Variants in CHD3 observed in about 807,000 individuals in gnomAD.
CHD3 encodes the protein chromodomain helicase DNA binding protein 3.
CHD3 carries 52 observed loss-of-function variants against 248.9 expected under a neutral mutation model. The ratio of observed to expected loss-of-function variants is 0.21; its 90% CI spans 0.17 to 0.26. CHD3 has a LOEUF of 0.26. Ranked by LOEUF, CHD3 falls within the 10% of genes least tolerant of loss-of-function variation. The pLI, the probability that CHD3 is intolerant of heterozygous loss-of-function variation, is 1.00. For synonymous variants in CHD3, 985 were observed against 985.2 expected (o/e 1.00, Z 0.00); for missense variants, 1,482 against 2,605.8 (o/e 0.57, Z 9.39).
At chr17:7,887,035 A>G (rs1242840143), upstream of CHD3, among the ~76,000 whole-genome samples, 1 of 152,118 alleles carries the variant, frequency 6.6e-6, no homozygotes, top group Non-Finnish European at 1.5e-5. Context: ...TCAGCCCTCC[A>G]AGTCGAATGA....
Position 7,897,184 on chromosome 17 carries a change from G to A in CHD3, c.1809G>A (p.Lys603=). The A allele has an allele frequency of 6.2e-7, 1 of 1,614,224 alleles. No individual in the cohort carries two copies. The highest frequency in any genetic ancestry group is 8.5e-7 in the Non-Finnish European group (1 of 1,180,038). The change falls in exon 11 of 40, where the codon AAG becomes AAA. Residue 603 remains lysine (K), a synonymous_variant. Coordinates refer to ENST00000330494, the MANE Select transcript of CHD3 (RefSeq NM_001005273.3). This position sits in a 1 kb window ranked among gnomAD's most constrained non-coding sequence, Gnocchi z 4.8. ...ATGGCTCCGGCGAGGATGATGGGAAGAGCGACAAGCGTAAAGTGAAAGACC... is the reference window on the plus strand; with the variant it reads ...ATGGCTCCGGCGAGGATGATGGGAAAAGCGACAAGCGTAAAGTGAAAGACC... ...LDYGSGEDDG[K]SDKRKVKDPH...
rs765034008 is a variant in CHD3 at position 7,898,538 on chromosome 17, T to TAAG, written c.2107_2109dup (p.Lys703dup). ...AAGACCCTGCCCAGCCCCGCAAGTA[T>TAAG]AAGAAGAAGAAGAAGGAGCTACAGG... On this transcript the variant is annotated inframe_insertion, in exon 13 of 40. Coordinates refer to ENST00000330494, the MANE Select transcript of CHD3 (RefSeq NM_001005273.3). The TAAG allele has an allele frequency of 2.5e-6, 4 of 1,613,270 alleles. No homozygotes were observed. Among genetic ancestry groups the TAAG allele is most frequent in the Admixed American group, 1.7e-5 (1 of 59,976 alleles).
Position 7,899,809 on chromosome 17 carries a change from C to T in CHD3, c.2545-87C>T, listed in dbSNP as rs1298055732. ...ACAGAGTAATGGCTCCTGTTGGGAG[C>T]CACAGTCAGGACAAGGTGTCTGGTT... On this transcript the variant is annotated intron_variant, in intron 15 of 39. Coordinates refer to ENST00000330494, the MANE Select transcript of CHD3 (RefSeq NM_001005273.3). This position sits in a 1 kb window ranked among gnomAD's most constrained non-coding sequence, Gnocchi z 6.8. 5.3e-6 allele frequency: 8 copies of T among 1,513,580 alleles called. No individual in the cohort carries two copies. The Admixed American group carries it at 1.5e-4, about 27-fold the overall frequency. The allele number at this position is 1,513,580 out of a possible 1,614,324, so 93.8% of individuals were successfully genotyped here. A position where few individuals can be genotyped will look rare whatever the true frequency, so the allele number is the denominator to read the frequency against.
At chr17:7,896,258 A>C (rs1969638840) in intron 10 of CHD3, among the ~76,000 whole-genome samples, 2 of 149,648 alleles carry the variant, frequency 1.3e-5, no homozygotes, top group African/African-American at 4.9e-5. Context: ...AAAAATTCTC[A>C]ATGTTTCTAA....
rs1327000292 is a variant in CHD3 at position 7,906,769 on chromosome 17, T to C, written c.4503+72T>C. 22 of 1,585,978 alleles carry C rather than the reference T, an allele frequency of 1.4e-5. No individual in the cohort carries two copies. The Admixed American group carries it at 3.8e-4, about 28-fold the overall frequency. ...TCTGTCCTTCCTCTGCCTCTGTCCC[T>C]GAGTTGTAAGCTTGCGCTGGTGTGA... On this transcript the variant is annotated intron_variant, in intron 29 of 39. Coordinates refer to ENST00000330494, the MANE Select transcript of CHD3 (RefSeq NM_001005273.3). The surrounding 1 kb of genome is among the most constrained non-coding windows in gnomAD (Gnocchi z 5.0).
In CHD3 at chr17:7,895,599, C is replaced by G. The variant is rs1463909428; in HGVS notation, c.1707+57C>G. The G allele has an allele frequency of 2.8e-6, 4 of 1,442,950 alleles. No homozygotes were observed. In the Admixed American group the frequency reaches 6.8e-5, roughly 25 times the overall value. The allele number at this position is 1,442,950 out of a possible 1,614,324, so 89.4% of individuals were successfully genotyped here. On this transcript the variant is annotated intron_variant, in intron 10 of 39. Coordinates refer to ENST00000330494, the MANE Select transcript of CHD3 (RefSeq NM_001005273.3). The surrounding 1 kb of genome is among the most constrained non-coding windows in gnomAD (Gnocchi z 4.9). Reference sequence around the variant, plus strand: ...TGACCTCATTTCCTGCCATCCTCTCCCTCTCTTACTCCTCTGTTTGTTGGG... The same window carrying G: ...TGACCTCATTTCCTGCCATCCTCTCGCTCTCTTACTCCTCTGTTTGTTGGG...
rs1158956018 is a variant in CHD3 at position 7,907,380 on chromosome 17, C to G, written c.4816C>G (p.Leu1606Val). Residue 1606 changes from leucine to valine, a missense_variant, in exon 32 of 40, where the codon CTT (leucine) becomes GTT (valine). By Grantham distance (32) the Leu-to-Val change is conservative. Transcript: ENST00000330494. This position sits in a 1 kb window ranked among gnomAD's most constrained non-coding sequence, Gnocchi z 4.3. ...EADAPSPAPS[L>V]GERLEPRKIP... ...TGATGCCCCCAGCCCAGCCCCATCA[C>G]TTGGGGAGCGGCTGGAGCCAAGGAA... is the stretch of plus-strand genomic sequence containing the variant. 1 of 1,607,998 alleles carries G rather than the reference C, an allele frequency of 6.2e-7. No homozygotes were observed. The highest frequency in any genetic ancestry group is 1.1e-5 in the South Asian group (1 of 90,016).
In CHD3 at chr17:7,889,810, G is replaced by C. The variant is rs772319972; in HGVS notation, c.213+34G>C. On this transcript the variant is annotated intron_variant, in intron 2 of 39. Transcript: ENST00000330494. This position sits in a 1 kb window ranked among gnomAD's most constrained non-coding sequence, Gnocchi z 4.5. ...CAAGAATTCCTAACTCTGTGGCAAG[G>C]CTCAAGAGACCCATTCTCAGAGACC... 1 of 1,563,170 alleles carries C rather than the reference G, an allele frequency of 6.4e-7. No homozygotes were observed. The highest frequency in any genetic ancestry group is 8.7e-7 in the Non-Finnish European group (1 of 1,144,072).
chr17:7,893,950 CCTGTCTA>C lies in CHD3; in HGVS notation c.924+18_924+24del. 6.2e-7 allele frequency: 1 copy of C among 1,613,610 alleles called. No homozygotes were observed. Among genetic ancestry groups the C allele is most frequent in the Non-Finnish European group, 8.5e-7 (1 of 1,179,920 alleles). ...AAGGAGGCTCGGTGAGTGACCCGTC[CCTGTCTA>C]CTAAACACCTGGGGGCCAAGGATCC... On this transcript the variant is annotated intron_variant, in intron 6 of 39. Transcript: ENST00000330494.
intron 4 of CHD3, among the ~76,000 whole-genome samples, chr17:7,892,307 A>G (rs1428831602): frequency 3.3e-5 from 5 of 152,186 alleles, no homozygotes; most frequent in African/African-American, 4.8e-5. Flanking sequence ...TTCAGGGCCC[A>G]TGGAACTTAC....
Position 7,893,900 on chromosome 17 carries a change from G to C in CHD3, c.889G>C (p.Gly297Arg). ...KKMAPLKIKLGLLGGKRKKGG... is the reference protein window; with the variant it reads ...KKMAPLKIKLRLLGGKRKKGG... ...AATGGCACCACTCAAAATAAAACTA[G>C]GGCTTCTGGGTGGCAAGAGGAAGAA... is the stretch of plus-strand genomic sequence containing the variant. The change falls in exon 6 of 40, where the codon GGG becomes CGG. Residue 297 changes from glycine (G) to arginine (R), a missense_variant. Transcript: ENST00000330494. The C allele has an allele frequency of 6.2e-7, 1 of 1,602,036 alleles. No homozygotes were observed. The highest frequency in any genetic ancestry group is 8.5e-7 in the Non-Finnish European group (1 of 1,172,532).
chr17:7,891,973 C>T (rs1968933636), intron 4 of CHD3, among the ~76,000 whole-genome samples: 1 of 151,814 alleles, frequency 6.6e-6, no homozygotes, highest in Admixed American at 6.7e-5. Context: ...CATCTGGTTA[C>T]ATTTTGGGCA....
upstream of CHD3, among the ~76,000 whole-genome samples, chr17:7,887,059 A>G (rs1307432096): frequency 4.0e-5 from 6 of 151,838 alleles, no homozygotes; most frequent in Non-Finnish European, 8.8e-5. Flanking sequence ...ACCCAGATAC[A>G]CCCCCTCAGA....
At position 7,906,762 on chromosome 17, in the gene CHD3, C is replaced by G; in HGVS notation, c.4503+65C>G. ...CCTAGTCTCTGTCCTTCCTCTGCCT[C>G]TGTCCCTGAGTTGTAAGCTTGCGCT... On this transcript the variant is annotated intron_variant, in intron 29 of 39. Coordinates refer to ENST00000330494, the MANE Select transcript of CHD3 (RefSeq NM_001005273.3). This position sits in a 1 kb window ranked among gnomAD's most constrained non-coding sequence, Gnocchi z 5.0. 6.3e-7 allele frequency: 1 copy of G among 1,584,620 alleles called. No homozygotes were observed. The highest frequency in any genetic ancestry group is 8.6e-7 in the Non-Finnish European group (1 of 1,163,970).
At position 7,897,157 on chromosome 17, in the gene CHD3, C is replaced by G; in HGVS notation, c.1782C>G (p.Asp594Glu). 6.2e-7 allele frequency: 1 copy of G among 1,614,172 alleles called. No homozygotes were observed. Among genetic ancestry groups the G allele is most frequent in the Non-Finnish European group, 8.5e-7 (1 of 1,180,016 alleles). Residue 594 changes from aspartate to glutamate, a missense_variant, in exon 11 of 40, where the codon GAC becomes GAG. Coordinates refer to ENST00000330494, the MANE Select transcript of CHD3 (RefSeq NM_001005273.3). The surrounding 1 kb of genome is among the most constrained non-coding windows in gnomAD (Gnocchi z 4.8). ...ACATGGATGAGCCCCCACCCCTGGA[C>G]TATGGCTCCGGCGAGGATGATGGGA... The part of the protein sequence containing the change: ...KNDMDEPPPL[D>E]YGSGEDDGKS...
chr17:7,901,143 T>C (rs1467570243), intron 19 of CHD3, 101 bp from the exon 20 acceptor site: 12 of 1,518,460 alleles, frequency 7.9e-6, no homozygotes, highest in African/African-American at 1.4e-5. Flanking sequence ...ATTGGGAACA[T>C]GTGGAAGCTG....
upstream of CHD3, chr17:7,885,074 C>A: frequency 1.0e-6 from 1 of 989,720 alleles, no homozygotes; most frequent in Non-Finnish European, 1.2e-6. Context: ...GCCGCCGCCC[C>A]CGCCGCCAGG....
chr17:7,901,194 G>T, intron 19 of CHD3, 50 bp from the exon 20 acceptor site: 6 of 1,554,592 alleles, frequency 3.9e-6, no homozygotes, highest in Non-Finnish European at 5.2e-6. Context: ...AAGAATATGG[G>T]GGCATGTTTC....
chr17:7,896,797 TA>T (rs1969732201), intron 10 of CHD3, among the ~76,000 whole-genome samples: 1 of 152,144 alleles, frequency 6.6e-6, no homozygotes. Flanking sequence ...TATCTGGGAT[TA>T]CAGGCGTGCG....
Sources: gnomAD v4.1 joint callset for allele counts (sites outside exome capture counted in the v4.1 genomes callset) on GRCh38, gnomAD v4.1.1 for gene constraint, Gnocchi (gnomAD v3.1) non-coding constraint, MANE v1.5 for transcripts, NCBI Gene and HGNC (gene_info 2026-07-23, HGNC 2026-07-21) for gene names.